PLB1: variants seen among roughly 807,000 people sequenced by gnomAD.
PLB1 encodes phospholipase B1.
A neutral mutation model predicts 227.4 loss-of-function variants in PLB1; 242 were observed. That is an observed-to-expected ratio of 1.06 (90% CI 0.96 to 1.18). The LOEUF (loss-of-function observed/expected upper bound fraction) is 1.18, where lower values mean the gene tolerates loss of function less well. PLB1 is among the 50% of genes most tolerant of loss of function. PLB1 has a pLI of 0.00. For missense variants in PLB1, 1,858 were observed against 1,816.3 expected (o/e 1.02, Z -0.42); for synonymous variants, 757 against 682.2 (o/e 1.11, Z -1.71).
chr2:28,508,777 A>G (rs1375862287), intron 1 of PLB1, among the ~76,000 whole-genome samples: 1 of 152,192 alleles, frequency 6.6e-6, no homozygotes, highest in Non-Finnish European at 1.5e-5. Context: ...TGGCCCTCTG[A>G]GCCTGTAAAA....
rs775700081 is a variant in PLB1, at chr2:28,582,077, T to C, written c.1576T>C (p.Ser526Pro). ...CTTCCTCTTCCTGCAGGTCCACTAT[T>C]CTCCCCAGAACTTCACAGACAACAT... ...CDFCNDLVHY[S>P]PQNFTDNIGK... The change falls in exon 24 of 58, where the codon TCT becomes CCT. Residue 526 changes from serine to proline, a missense_variant. By Grantham distance (74) the Ser-to-Pro change is moderately conservative. Coordinates refer to ENST00000327757, the MANE Select transcript of PLB1 (RefSeq NM_153021.5). 3.7e-5 allele frequency: 60 copies of C among 1,613,620 alleles called. 3 individuals are homozygous for C. The South Asian group carries it at 5.4e-4, about 14-fold the overall frequency.
chr2:28,514,343 T>C (rs1033809964), intron 1 of PLB1, among the ~76,000 whole-genome samples: 3 of 152,230 alleles, frequency 2.0e-5, no homozygotes, highest in Non-Finnish European at 2.9e-5. Flanking sequence ...TCACAGTAGC[T>C]TTATCTTCAA....
intron 20 of PLB1, 108 bp from the exon 21 acceptor site, chr2:28,573,089 G>A (rs1003434202): frequency 1.2e-6 from 1 of 802,678 alleles, no homozygotes. Context: ...TAAGAGTAGG[G>A]GCTGCGGAGT....
chr2:28,546,669 G>A lies in PLB1; in HGVS notation c.937-2191G>A, dbSNP rs1338901103. Among the ~76,000 whole-genome samples the A allele has an allele frequency of 5.9e-5, 9 of 152,140 alleles. No homozygotes were observed. The East Asian group carries it at 1.7e-3, about 29-fold the overall frequency. ...GGGATTGGGGATGCAGGAGAAGAAA[G>A]GGTCAGAGCCAGTGTAAAGGGAATG... On this transcript the variant is annotated intron_variant, in intron 14 of 57. Coordinates refer to ENST00000327757, the MANE Select transcript of PLB1 (RefSeq NM_153021.5).
intron 1 of PLB1, among the ~76,000 whole-genome samples, chr2:28,515,499 G>A (rs1032389165): frequency 6.6e-6 from 1 of 152,182 alleles, no homozygotes; most frequent in Non-Finnish European, 1.5e-5. Context: ...CAAAGGAATC[G>A]CTGCGATCTG....
At chr2:28,610,961 G>A (rs976332002) in intron 43 of PLB1, among the ~76,000 whole-genome samples, 7 of 152,142 alleles carry the variant, frequency 4.6e-5, no homozygotes, top group Non-Finnish European at 7.4e-5. Flanking sequence ...CCTCTTTCAC[G>A]TCATCTGCTT....
chr2:28,583,637 C>G (rs1171826321), intron 25 of PLB1, among the ~76,000 whole-genome samples: 1 of 152,200 alleles, frequency 6.6e-6, no homozygotes, highest in Non-Finnish European at 1.5e-5. Context: ...GATGCACTCT[C>G]TTTTCTGGGC....
intron 32 of PLB1, among the ~76,000 whole-genome samples, chr2:28,593,098 T>A (rs767889460): frequency 1.3e-5 from 2 of 152,212 alleles, no homozygotes; most frequent in African/African-American, 4.8e-5. Context: ...CTTCTTTGCA[T>A]CTGCATGGAA....
intron 55 of PLB1, among the ~76,000 whole-genome samples, 155 bp downstream of exon 55, chr2:28,632,295 G>C (rs917247494): frequency 5.9e-5 from 9 of 151,510 alleles, no homozygotes; most frequent in African/African-American, 2.2e-4. Context: ...TCCTTTTTGT[G>C]GGGGCTGGGC....
chr2:28,496,352 C>T (rs1032599112), intron 1 of PLB1, among the ~76,000 whole-genome samples, 183 bp downstream of exon 1: 2 of 152,162 alleles, frequency 1.3e-5, no homozygotes, highest in Non-Finnish European at 2.9e-5. Flanking sequence ...GCTGCCTACA[C>T]AGGGTTACAT....
chr2:28,601,705 C>T (rs1683932199), intron 37 of PLB1, among the ~76,000 whole-genome samples, 194 bp from the exon 38 acceptor site: 1 of 152,224 alleles, frequency 6.6e-6, no homozygotes, highest in African/African-American at 2.4e-5. Flanking sequence ...TTCCAGTCTT[C>T]CCACTGGCCC....
chr2:28,496,125 G>A lies in PLB1; in HGVS notation c.11G>A (p.Arg4Gln), dbSNP rs367544358. Residue 4 changes from arginine (R) to glutamine (Q), a missense_variant, in exon 1 of 58, where the codon CGG becomes CAG. Coordinates refer to ENST00000327757, the MANE Select transcript of PLB1 (RefSeq NM_153021.5). The part of the protein sequence containing the change: MGL[R>Q]PGIFLLELLL... ...CTGGAGCATTCTGGCATGGGGCTGCGGCCAGGCATTTTCCTCCTGGAGCTG... is the reference window on the plus strand; with the variant it reads ...CTGGAGCATTCTGGCATGGGGCTGCAGCCAGGCATTTTCCTCCTGGAGCTG... 1.1e-5 allele frequency: 17 copies of A among 1,613,964 alleles called. No individual in the cohort carries two copies. Among genetic ancestry groups the A allele is most frequent in the East Asian group, 8.9e-5 (4 of 44,886 alleles).
intron 8 of PLB1, among the ~76,000 whole-genome samples, chr2:28,531,150 A>G (rs1670955456): frequency 6.6e-6 from 1 of 152,364 alleles, no homozygotes; most frequent in East Asian, 1.9e-4. Context: ...ACAGATAAGC[A>G]AAAAGTAAAA....
intron 56 of PLB1, among the ~76,000 whole-genome samples, chr2:28,637,053 G>A (rs1689442960): frequency 6.6e-6 from 1 of 152,086 alleles, no homozygotes; most frequent in African/African-American, 2.4e-5. Context: ...CAGCACTTTG[G>A]GAGGCCGAGG....
intron 1 of PLB1, among the ~76,000 whole-genome samples, chr2:28,514,955 C>T (rs138866768): frequency 3.3e-5 from 5 of 152,156 alleles, no homozygotes; most frequent in Middle Eastern, 3.2e-3. Context: ...GCTGGGATTA[C>T]AGGCATGAGC....
chr2:28,503,818 T>A (rs1020266790), intron 1 of PLB1, among the ~76,000 whole-genome samples: 1 of 152,186 alleles, frequency 6.6e-6, no homozygotes, highest in African/African-American at 2.4e-5. Context: ...TTCTGCTGCT[T>A]CTATGAGTCA....
intron 25 of PLB1, 83 bp downstream of exon 25, chr2:28,582,588 C>A: frequency 9.1e-7 from 1 of 1,095,742 alleles, no homozygotes; most frequent in Non-Finnish European, 1.4e-6. Context: ...CCTTAGAAAA[C>A]CCAAGGGCCG....
At chr2:28,501,662 T>C (rs1667115543) in intron 1 of PLB1, among the ~76,000 whole-genome samples, 1 of 152,222 alleles carries the variant, frequency 6.6e-6, no homozygotes, top group Non-Finnish European at 1.5e-5. Flanking sequence ...TTTATTAGTT[T>C]AATATCCTTT....
chr2:28,549,412 CTTTTTTTTTTT>C lies in PLB1; in HGVS notation c.1008+493_1008+503del, dbSNP rs746205635. 2.0e-3 allele frequency among the ~76,000 whole-genome samples: 173 copies of C among 87,306 alleles called. 5 individuals carry two copies. Among genetic ancestry groups the C allele is most frequent in the Non-Finnish European group, 2.7e-3 (136 of 50,018 alleles). 57.3% of individuals were successfully genotyped at this position (87,306 alleles called of 152,430 possible). On this transcript the variant is annotated intron_variant, in intron 15 of 57. Coordinates refer to ENST00000327757, the MANE Select transcript of PLB1 (RefSeq NM_153021.5). The stretch of plus-strand genomic sequence containing the variant: ...TGGACATAAATGAATGAGATTCTTT[CTTTTTTTTTTT>C]TTTTTTTTTTTGAGACGGAGTCTCG...
Sources: gnomAD v4.1 joint callset for allele counts (sites outside exome capture counted in the v4.1 genomes callset) on GRCh38, gnomAD v4.1.1 for gene constraint, MANE v1.5 for transcripts, NCBI Gene and HGNC (gene_info 2026-07-23, HGNC 2026-07-21) for gene names.